The following CTBP2 variants were observed in gnomAD, a reference collection of about 807,000 sequenced individuals.
CTBP2 encodes C-terminal binding protein 2.
In CTBP2, 30 loss-of-function variants were observed where a neutral mutation model predicts 80.3. That is an observed-to-expected ratio of 0.37 (90% CI 0.28 to 0.51). CTBP2 has a LOEUF of 0.51. Ranked by LOEUF, CTBP2 falls within the 20% of genes least tolerant of loss-of-function variation. The probability of loss-of-function intolerance (pLI) is 0.93; values close to 1 mark genes in which losing one functional copy is unlikely to be tolerated. For missense variants in CTBP2, 1,212 were observed against 1,375.3 expected (o/e 0.88, Z 1.88); for synonymous variants, 594 against 587.4 (o/e 1.01, Z -0.16).
chr10:125,127,854 C>T (rs942177200), intron 1 of CTBP2, among the ~76,000 whole-genome samples: 26 of 152,312 alleles, frequency 1.7e-4, no homozygotes, highest in African/African-American at 6.3e-4. Context: ...TTTTTGGTTG[C>T]TGTATTTGCA....
At chr10:125,107,423 C>T (rs1851628934) in intron 2 of CTBP2, among the ~76,000 whole-genome samples, 1 of 146,374 alleles carries the variant, frequency 6.8e-6, no homozygotes, top group South Asian at 2.1e-4. Context: ...CACACTGGGA[C>T]CAGAGTGGCA....
At chr10:125,110,388 C>A (rs957664666) in intron 2 of CTBP2, among the ~76,000 whole-genome samples, 2 of 152,154 alleles carry the variant, frequency 1.3e-5, no homozygotes, top group Admixed American at 1.3e-4. Flanking sequence ...CTGCTACGGG[C>A]ACAGGATTGA....
chr10:125,056,999 G>A (rs547963414), intron 2 of CTBP2, among the ~76,000 whole-genome samples: 2 of 152,190 alleles, frequency 1.3e-5, no homozygotes, highest in African/African-American at 2.4e-5. Context: ...CTCTGTCCCC[G>A]GGGTACACAG....
chr10:125,065,944 T>C (rs1474427975), intron 2 of CTBP2, among the ~76,000 whole-genome samples: 5 of 151,252 alleles, frequency 3.3e-5, no homozygotes, highest in African/African-American at 9.7e-5. Context: ...CTAAGAAAAA[T>C]ACAAAAATTA....
intron 1 of CTBP2, among the ~76,000 whole-genome samples, chr10:125,126,616 C>T (rs1855299915): frequency 1.3e-5 from 2 of 152,260 alleles, no homozygotes; most frequent in African/African-American, 4.8e-5. Flanking sequence ...TGTTCCTTCC[C>T]TGTTAGGGCA....
chr10:124,995,788 G>C (rs976852809), intron 4 of CTBP2, among the ~76,000 whole-genome samples: 1 of 152,182 alleles, frequency 6.6e-6, no homozygotes, highest in Non-Finnish European at 1.5e-5. Context: ...TGGCAGGGAC[G>C]GAGTGAGAGA....
At chr10:125,114,398 G>C (rs568884693) in intron 1 of CTBP2, among the ~76,000 whole-genome samples, 2 of 151,722 alleles carry the variant, frequency 1.3e-5, no homozygotes, top group African/African-American at 4.8e-5. Context: ...GAAGAGAACC[G>C]CAGCACCCAG....
At chr10:125,002,820 C>T in intron 3 of CTBP2, 140 bp downstream of exon 5, 2 of 1,017,854 alleles carry the variant, frequency 2.0e-6, no homozygotes, top group Non-Finnish European at 2.9e-6. Flanking sequence ...GCTCCACAGC[C>T]CGGCCTGGAG....
chr10:125,161,489 G>C (rs1861891260), upstream of CTBP2, among the ~76,000 whole-genome samples: 1 of 151,946 alleles, frequency 6.6e-6, no homozygotes. Flanking sequence ...CCCGGCCCCC[G>C]GGCTCCAACT....
At chr10:125,107,947 T>G (rs117392249) in intron 2 of CTBP2, among the ~76,000 whole-genome samples, 3,193 of 152,316 alleles carry the variant, frequency 0.021, 52 homozygotes, top group Middle Eastern at 0.054. Flanking sequence ...CAAAAACACT[T>G]TTTCTGTGAC....
chr10:125,014,338 G>C (rs975592930), intron 1 of CTBP2, among the ~76,000 whole-genome samples: 12 of 152,320 alleles, frequency 7.9e-5, no homozygotes, highest in Admixed American at 6.5e-5. Flanking sequence ...TGTAGTCCCA[G>C]CTACTTAGGA....
intron 1 of CTBP2, among the ~76,000 whole-genome samples, chr10:125,117,293 G>GGGGGT (rs1057489767): frequency 1.3e-5 from 2 of 152,134 alleles, no homozygotes; most frequent in African/African-American, 4.8e-5. Context: ...GGGGGCTGCT[G>GGGGGT]GGGGTAAAGA....
chr10:125,083,143 T>A (rs1382136216), intron 2 of CTBP2, among the ~76,000 whole-genome samples: 2 of 152,174 alleles, frequency 1.3e-5, no homozygotes, highest in Non-Finnish European at 2.9e-5. Context: ...GAACACGTGT[T>A]GGACTAAATA....
intron 1 of CTBP2, among the ~76,000 whole-genome samples, chr10:125,143,667 T>C (rs1252093867): frequency 6.6e-6 from 1 of 152,198 alleles, no homozygotes; most frequent in Non-Finnish European, 1.5e-5. Flanking sequence ...AAAACATAAT[T>C]ACACTGCCTA....
At chr10:125,072,917 A>T (rs1564852351) in intron 2 of CTBP2, among the ~76,000 whole-genome samples, 1 of 152,202 alleles carries the variant, frequency 6.6e-6, no homozygotes, top group African/African-American at 2.4e-5. Context: ...AATCACTAAC[A>T]AAACTGTTGA....
chr10:125,097,438 T>A (rs1251439701), intron 2 of CTBP2, among the ~76,000 whole-genome samples: 1 of 152,188 alleles, frequency 6.6e-6, no homozygotes, highest in Non-Finnish European at 1.5e-5. Flanking sequence ...AATGGATGAC[T>A]ATTTGTCTAA....
At position 124,993,189 on chromosome 10, in the gene CTBP2, C is replaced by T. The variant is rs1332672315; in HGVS notation, c.2659+13G>A. On this transcript the variant is annotated intron_variant, in intron 7 of 8. Coordinates refer to ENST00000309035, the MANE Select transcript of CTBP2 (RefSeq NM_022802.3). ...GGCTGCCCTTGGCAGGCCAGAGGCACGGAGGGGCTCACCTGTGATGGCTCG... is the reference window on the plus strand; with the variant it reads ...GGCTGCCCTTGGCAGGCCAGAGGCATGGAGGGGCTCACCTGTGATGGCTCG... The T allele has an allele frequency of 7.6e-6, 12 of 1,587,086 alleles. 1 individual carries two copies. The East Asian group carries it at 9.1e-5, about 12-fold the overall frequency.
chr10:125,102,706 G>T (rs1046891952), intron 2 of CTBP2, among the ~76,000 whole-genome samples: 2 of 152,206 alleles, frequency 1.3e-5, no homozygotes, highest in African/African-American at 2.4e-5. Flanking sequence ...ACAAATGTGG[G>T]ACTGGGGCCG....
chr10:125,086,516 G>A (rs181479896), intron 2 of CTBP2, among the ~76,000 whole-genome samples: 1 of 151,430 alleles, frequency 6.6e-6, no homozygotes, highest in African/African-American at 2.4e-5. Context: ...TTGGGAGGAT[G>A]AGGCAGGAGA....
Sources: gnomAD v4.1 joint callset for allele counts (sites outside exome capture counted in the v4.1 genomes callset) on GRCh38, gnomAD v4.1.1 for gene constraint, MANE v1.5 for transcripts, NCBI Gene and HGNC (gene_info 2026-07-23, HGNC 2026-07-21) for gene names.